ROBO1: variants seen among roughly 807,000 people sequenced by gnomAD.
The protein encoded by ROBO1 is roundabout guidance receptor 1, also known as roundabout homolog 1.
A neutral mutation model predicts 195.9 loss-of-function variants in ROBO1; 149 were observed. The ratio of observed to expected loss-of-function variants is 0.76; its 90% CI spans 0.67 to 0.87. The LOEUF is 0.87. Among genes scored for constraint, ROBO1 ranks in the 40% least tolerant of loss-of-function variants. The probability of loss-of-function intolerance (pLI) is 0.00; values close to 1 mark genes in which losing one functional copy is unlikely to be tolerated. For synonymous variants in ROBO1, 816 were observed against 733.2 expected, an observed-to-expected ratio of 1.11 and a Z score of -1.82; for missense variants, 1,933 against 2,068.3, an observed-to-expected ratio of 0.93 and a Z score of 1.27.
At chr3:78,886,098 T>C (rs1287042568) in intron 4 of ROBO1, among the ~76,000 whole-genome samples, 1 of 151,598 alleles carries the variant, frequency 6.6e-6, no homozygotes, top group Non-Finnish European at 1.5e-5. Flanking sequence ...CAAATAGTTA[T>C]GTCAAATATT....
intron 2 of ROBO1, among the ~76,000 whole-genome samples, chr3:79,236,058 T>C (rs1490142178): frequency 6.6e-6 from 1 of 152,170 alleles, no homozygotes. Context: ...TTAGACTCTT[T>C]GGTCATTTGA....
At chr3:79,395,167 C>CA (rs2037097316) in intron 2 of ROBO1, among the ~76,000 whole-genome samples, 3 of 151,422 alleles carry the variant, frequency 2.0e-5, no homozygotes, top group Admixed American at 6.6e-5. Context: ...ACTAAAAATA[C>CA]AAAAAATTCT....
chr3:79,040,866 C>T (rs74683080), intron 3 of ROBO1, among the ~76,000 whole-genome samples: 135 of 151,910 alleles, frequency 8.9e-4, no homozygotes, highest in South Asian at 2.1e-3. Flanking sequence ...TAACTGCTTA[C>T]GAAAAAAAAA....
intron 3 of ROBO1, among the ~76,000 whole-genome samples, chr3:78,958,706 T>C (rs2041170485): frequency 1.3e-5 from 2 of 151,382 alleles, no homozygotes; most frequent in South Asian, 4.1e-4. Context: ...GACCAATTCA[T>C]CCCAGTTTAA....
rs116959847 is a variant in ROBO1, at chr3:79,737,931, T to G, written c.-51+29821A>C. On this transcript the variant is annotated intron_variant, in intron 1 of 30. Coordinates refer to ENST00000464233, the MANE Select transcript of ROBO1 (RefSeq NM_002941.4). ...CCTTTCACCACCTATCTTCACATCT[T>G]ATTCCCTCTAACTTCCATACTCCCG... 3.9e-4 allele frequency among the ~76,000 whole-genome samples: 60 copies of G among 152,304 alleles called. 1 individual carries two copies. In the East Asian group the frequency reaches 0.012, roughly 29 times the overall value.
chr3:79,577,878 C>T (rs71324673), intron 2 of ROBO1, among the ~76,000 whole-genome samples: 18,916 of 151,796 alleles, frequency 0.12, 1,347 homozygotes, highest in African/African-American at 0.18. Context: ...CGCCACCGCC[C>T]TCCAGCCTGG....
intron 18 of ROBO1, among the ~76,000 whole-genome samples, chr3:78,656,718 C>T (rs550126569): frequency 3.9e-5 from 6 of 152,006 alleles, no homozygotes; most frequent in Non-Finnish European, 7.4e-5. Flanking sequence ...TTCATGTTCA[C>T]GGAGGTATCC....
chr3:79,339,873 A>T (rs77966804), intron 2 of ROBO1, among the ~76,000 whole-genome samples: 1 of 152,198 alleles, frequency 6.6e-6, no homozygotes, highest in Non-Finnish European at 1.5e-5. Flanking sequence ...CTTGATTACT[A>T]TTGAGTGCCT....
At chr3:79,432,908 A>T (rs764933994) in intron 2 of ROBO1, among the ~76,000 whole-genome samples, 23 of 152,212 alleles carry the variant, frequency 1.5e-4, no homozygotes, top group Admixed American at 5.9e-4. Flanking sequence ...CCTGTCTTCA[A>T]TATTAGTCCA....
chr3:79,508,791 T>C (rs1940547008), intron 2 of ROBO1, among the ~76,000 whole-genome samples: 2 of 152,224 alleles, frequency 1.3e-5, no homozygotes, highest in Admixed American at 6.5e-5. Context: ...AGCATGGGTT[T>C]TGTTGGAGGC....
chr3:78,815,137 G>C (rs144628880), intron 4 of ROBO1, among the ~76,000 whole-genome samples: 13 of 152,116 alleles, frequency 8.5e-5, no homozygotes, highest in Non-Finnish European at 1.9e-4. Flanking sequence ...TATTCCCTGA[G>C]ACACAAAAAT....
chr3:79,057,174 A>G (rs1559627080), intron 3 of ROBO1, among the ~76,000 whole-genome samples: 2 of 152,040 alleles, frequency 1.3e-5, no homozygotes, highest in African/African-American at 2.4e-5. Flanking sequence ...CTCCAATGAA[A>G]ATGCTGGTTA....
intron 4 of ROBO1, among the ~76,000 whole-genome samples, chr3:78,753,400 T>C (rs938010247): frequency 2.6e-5 from 4 of 152,184 alleles, no homozygotes; most frequent in Admixed American, 6.5e-5. Context: ...AAATACTCCC[T>C]AGTGCTTATT....
At position 79,563,796 on chromosome 3, in the gene ROBO1, C is replaced by A. The variant is rs1045693642; in HGVS notation, c.88+26028G>T. On this transcript the variant is annotated intron_variant, in intron 2 of 30. Transcript: ENST00000464233. The stretch of plus-strand genomic sequence containing the variant: ...AGATGTGAGGTAAATCTATTTAATG[C>A]AGAAAACTGGAACTTAAATTCATGC... Among the ~76,000 whole-genome samples, 11 of 151,888 alleles carry A rather than the reference C, an allele frequency of 7.2e-5. 1 individual carries two copies. Among genetic ancestry groups the A allele is most frequent in the Non-Finnish European group, 1.0e-4 (7 of 67,936 alleles).
intron 2 of ROBO1, among the ~76,000 whole-genome samples, chr3:79,378,469 T>A (rs2109361296): frequency 6.6e-6 from 1 of 152,336 alleles, no homozygotes; most frequent in Admixed American, 6.5e-5. Flanking sequence ...TTTGTTTATC[T>A]TATCCATAAA....
At chr3:78,624,276 T>C (rs1215658230) in intron 26 of ROBO1, among the ~76,000 whole-genome samples, 1 of 152,168 alleles carries the variant, frequency 6.6e-6, no homozygotes, top group Non-Finnish European at 1.5e-5. Context: ...TATTTTCATT[T>C]TGTTTATATG....
At chr3:79,652,092 T>A (rs968291361) in intron 1 of ROBO1, among the ~76,000 whole-genome samples, 1 of 152,120 alleles carries the variant, frequency 6.6e-6, no homozygotes, top group African/African-American at 2.4e-5. Flanking sequence ...GAATAATTTA[T>A]TATTGTTTTA....
intron 4 of ROBO1, among the ~76,000 whole-genome samples, chr3:78,914,089 T>A (rs1033567978): frequency 1.3e-5 from 2 of 152,170 alleles, no homozygotes; most frequent in African/African-American, 4.8e-5. Flanking sequence ...ATCTCCCATA[T>A]GGCTAAAACA....
intron 2 of ROBO1, among the ~76,000 whole-genome samples, chr3:79,588,155 G>A (rs554697769): frequency 9.2e-5 from 14 of 151,760 alleles, no homozygotes; most frequent in East Asian, 7.8e-4. Flanking sequence ...CAATGAAGTC[G>A]TATACTGTAG....
Sources: allele counts gnomAD v4.1 joint callset (sites outside exome capture counted in the v4.1 genomes callset), GRCh38; gene constraint gnomAD v4.1.1; transcripts MANE v1.5; gene names NCBI Gene and HGNC (gene_info 2026-07-23, HGNC 2026-07-21).